Variants in WASF2 observed in about 807,000 individuals in gnomAD.
WASF2 encodes the protein actin-binding protein WASF2.
A neutral mutation model predicts 45.0 loss-of-function variants in WASF2; 14 were observed. That is an observed-to-expected ratio of 0.31 (90% CI 0.21 to 0.49). The LOEUF is 0.49. Among genes scored for constraint, WASF2 ranks in the 20% least tolerant of loss-of-function variants. The probability of loss-of-function intolerance (pLI) is 0.99; values close to 1 mark genes in which losing one functional copy is unlikely to be tolerated. For missense variants in WASF2, 439 were observed against 636.1 expected (o/e 0.69, Z 3.33); for synonymous variants, 200 against 236.3 (o/e 0.85, Z 1.41).
chr1:27,431,509 A>G (rs1475479356), intron 1 of WASF2, among the ~76,000 whole-genome samples: 1 of 152,202 alleles, frequency 6.6e-6, no homozygotes, highest in Non-Finnish European at 1.5e-5. Flanking sequence ...AATTTGGTGT[A>G]CAGCCAGGAA....
intron 1 of WASF2, among the ~76,000 whole-genome samples, chr1:27,453,001 C>T (rs2480225): frequency 0.98 from 149,025 of 151,594 alleles, 73,284 homozygotes; most frequent in Middle Eastern, 1. Context: ...AAGTCAGGAG[C>T]TTGAGACCAG....
intron 1 of WASF2, among the ~76,000 whole-genome samples, chr1:27,465,459 A>G (rs1371209534): frequency 6.6e-6 from 1 of 152,226 alleles, no homozygotes; most frequent in African/African-American, 2.4e-5. Flanking sequence ...ATGAACTCAA[A>G]GTAACAGCTG....
chr1:27,460,325 G>A (rs975012458), intron 1 of WASF2, among the ~76,000 whole-genome samples: 2 of 152,104 alleles, frequency 1.3e-5, no homozygotes, highest in African/African-American at 4.8e-5. Context: ...GTGGTCTGGA[G>A]GGAAGTAAAA....
Position 27,410,131 on chromosome 1 carries a change from T to C in WASF2, c.900A>G (p.Pro300=), listed in dbSNP as rs756309402. 1.9e-5 allele frequency: 30 copies of C among 1,613,474 alleles called. No homozygotes were observed. ...GAGAGCCTAGAGGAGGAGCTGGTGG[T>C]GGATGGCTTGGGCTGACCACACTGG... The part of the protein sequence containing the change: ...KRSSVVSPSH[P]PPAPPLGSPP... Residue 300 remains proline (P), a synonymous_variant, in exon 8 of 9, where the codon CCA becomes CCG. Transcript: ENST00000618852. This position sits in a 1 kb window ranked among gnomAD's most constrained non-coding sequence, Gnocchi z 4.2.
At chr1:27,440,002 A>G (rs1268959138) in intron 1 of WASF2, among the ~76,000 whole-genome samples, 2 of 152,306 alleles carry the variant, frequency 1.3e-5, no homozygotes, top group Middle Eastern at 3.4e-3. Flanking sequence ...CTCTGTCTCA[A>G]AAAAACAAAA....
chr1:27,466,877 A>G (rs1232584288), intron 1 of WASF2, among the ~76,000 whole-genome samples: 1 of 152,026 alleles, frequency 6.6e-6, no homozygotes, highest in African/African-American at 2.4e-5. Flanking sequence ...AAATCACAAT[A>G]ATTTTTTATT....
intron 1 of WASF2, among the ~76,000 whole-genome samples, chr1:27,442,784 C>T (rs1046354233): frequency 6.6e-6 from 1 of 151,568 alleles, no homozygotes; most frequent in African/African-American, 2.4e-5. Flanking sequence ...GGGCGGATCA[C>T]GAGGTCAGGA....
chr1:27,418,866 C>CT, intron 3 of WASF2, 88 bp downstream of exon 3: 1 of 1,261,038 alleles, frequency 7.9e-7, no homozygotes, highest in African/African-American at 1.5e-5. Flanking sequence ...TCTCTCCTCA[C>CT]GTTTTTTTTT....
chr1:27,462,948 T>C (rs1055851799), intron 1 of WASF2, among the ~76,000 whole-genome samples: 1 of 152,052 alleles, frequency 6.6e-6, no homozygotes, highest in African/African-American at 2.4e-5. Flanking sequence ...GCCTCCCAAG[T>C]AGCTGGGATT....
chr1:27,450,388 TTAA>T (rs1290642945), intron 1 of WASF2, among the ~76,000 whole-genome samples: 1 of 152,212 alleles, frequency 6.6e-6, no homozygotes, highest in Non-Finnish European at 1.5e-5. Context: ...GCCTAAAATG[TTAA>T]TAAGACCCTG....
At position 27,409,934 on chromosome 1, in the gene WASF2, G is replaced by C. The variant is rs767416254; in HGVS notation, c.1097C>G (p.Pro366Arg). 7 of 1,604,586 alleles carry C rather than the reference G, an allele frequency of 4.4e-6. No homozygotes were observed. In the Admixed American group the frequency reaches 1.0e-4, roughly 23 times the overall value. ...PPHPDFAAPP[P>R]PPPPPAADYP... ...GTCAGCTGCTGGTGGTGGAGGAGGA[G>C]GTGGAGGGGCAGCAAAATCAGGGTG... Residue 366 changes from proline (P) to arginine (R), a missense_variant, in exon 8 of 9, where the codon CCT becomes CGT. Physicochemically the swap from Pro to Arg is moderately radical, Grantham distance 103. This residue lies in a region of WASF2 where 286 missense variants were observed against 373.5 expected (regional missense o/e 0.77). Transcript: ENST00000618852.
chr1:27,421,858 C>A (rs1312878544), intron 2 of WASF2, among the ~76,000 whole-genome samples: 2 of 151,936 alleles, frequency 1.3e-5, no homozygotes, highest in South Asian at 4.2e-4. Flanking sequence ...CACCTGTAAT[C>A]CCAGCTACTC....
chr1:27,476,594 A>G (rs1162116005), intron 1 of WASF2, among the ~76,000 whole-genome samples: 2 of 152,212 alleles, frequency 1.3e-5, no homozygotes, highest in African/African-American at 4.8e-5. Flanking sequence ...ATTTAAAAAA[A>G]AAAAAACCTC....
chr1:27,435,653 G>C (rs1377349019), intron 1 of WASF2, among the ~76,000 whole-genome samples: 1 of 149,028 alleles, frequency 6.7e-6, no homozygotes, highest in African/African-American at 2.5e-5. Context: ...GTGGGATGGG[G>C]TGAGCTGGGG....
At chr1:27,441,245 C>T (rs2017223587) in intron 1 of WASF2, among the ~76,000 whole-genome samples, 3 of 152,098 alleles carry the variant, frequency 2.0e-5, no homozygotes, top group Admixed American at 1.3e-4. Context: ...GTACTCCCAG[C>T]ACTTTGGGAG....
At chr1:27,474,461 C>T (rs955209855) in intron 1 of WASF2, among the ~76,000 whole-genome samples, 5 of 152,054 alleles carry the variant, frequency 3.3e-5, no homozygotes, top group Non-Finnish European at 5.9e-5. Context: ...CATAGTGAGA[C>T]TCCATCTCCA....
chr1:27,436,100 T>C (rs142820432), intron 1 of WASF2, among the ~76,000 whole-genome samples: 289 of 152,356 alleles, frequency 1.9e-3, no homozygotes, highest in African/African-American at 6.1e-3. Flanking sequence ...TGGGGACATA[T>C]GAGAAGAGGT....
chr1:27,485,805 G>A (rs1471046536), intron 1 of WASF2, among the ~76,000 whole-genome samples: 2 of 152,018 alleles, frequency 1.3e-5, no homozygotes, highest in African/African-American at 2.4e-5. Context: ...TCCGCCTCCC[G>A]GATTCAAGCG....
chr1:27,457,873 T>C (rs1167569514), intron 1 of WASF2, among the ~76,000 whole-genome samples: 1 of 152,010 alleles, frequency 6.6e-6, no homozygotes, highest in East Asian at 1.9e-4. Context: ...TCCTCCCACC[T>C]TTACCTCCCA....
Sources: allele counts gnomAD v4.1 joint callset (sites outside exome capture counted in the v4.1 genomes callset), GRCh38; gene constraint gnomAD v4.1.1; regional missense constraint gnomAD v4.1.1; non-coding constraint Gnocchi (gnomAD v3.1); transcripts MANE v1.5; gene names NCBI Gene and HGNC (gene_info 2026-07-23, HGNC 2026-07-21).